ARHGAP35: variants seen among roughly 807,000 people sequenced by gnomAD.
ARHGAP35 encodes the protein Rho GTPase activating protein 35.
Under a neutral mutation model 111.1 loss-of-function variants are expected in ARHGAP35, and 15 were observed. That is an observed-to-expected ratio of 0.13 (90% CI 0.09 to 0.21). The LOEUF is 0.21. Among genes scored for constraint, ARHGAP35 ranks in the 10% least tolerant of loss-of-function variants. The probability of loss-of-function intolerance (pLI) is 1.00; values close to 1 mark genes in which losing one functional copy is unlikely to be tolerated. For synonymous variants in ARHGAP35, 643 were observed against 710.3 expected (o/e 0.91, Z 1.51); for missense variants, 1,262 against 1,873.0 (o/e 0.67, Z 6.02).
At chr19:46,951,987 A>C (rs1394926917) in intron 3 of ARHGAP35, among the ~76,000 whole-genome samples, 1 of 152,236 alleles carries the variant, frequency 6.6e-6, no homozygotes, top group South Asian at 2.1e-4. Context: ...GTTAGAAGGA[A>C]TAAGTTCTAG....
chr19:46,922,161 C>T lies in ARHGAP35; in HGVS notation c.3486C>T (p.Cys1162=). ...AGCCAGTGCTGTACAGGACGAGATG[C>T]ACCCGGCTGGGGCGGTTTGCTAGTT... is the stretch of plus-strand genomic sequence containing the variant. The part of the protein sequence containing the change: ...VSKPVLYRTR[C]TRLGRFASYR... The change falls in exon 2 of 7, where the codon TGC becomes TGT. Residue 1162 remains cysteine, a synonymous_variant. Transcript: ENST00000672722. The surrounding 1 kb of genome is among the most constrained non-coding windows in gnomAD (Gnocchi z 4.0). 6.2e-7 allele frequency: 1 copy of T among 1,613,988 alleles called. No individual in the cohort carries two copies. The highest frequency in any genetic ancestry group is 8.5e-7 in the Non-Finnish European group (1 of 1,179,896).
Position 46,920,482 on chromosome 19 carries a change from T to C in ARHGAP35, c.1807T>C (p.Leu603=). 1 of 1,614,016 alleles carries C rather than the reference T, an allele frequency of 6.2e-7. No homozygotes were observed. The highest frequency in any genetic ancestry group is 1.1e-5 in the South Asian group (1 of 91,080). The part of the protein sequence containing the change: ...PNIDRINLVI[L]GKDGLARELA... ...CATTGATAGAATCAACTTGGTTATA[T>C]TGGGCAAAGACGGCCTTGCCCGAGA... Residue 603 remains leucine, a synonymous_variant, in exon 2 of 7, where the codon TTG becomes CTG. Transcript: ENST00000672722. This position sits in a 1 kb window ranked among gnomAD's most constrained non-coding sequence, Gnocchi z 7.0.
intron 1 of ARHGAP35, among the ~76,000 whole-genome samples, chr19:46,866,162 ATCTTT>A (rs879742235): frequency 1.3e-5 from 2 of 152,168 alleles, no homozygotes; most frequent in Non-Finnish European, 2.9e-5. Context: ...TTTTTAAAAA[ATCTTT>A]TGTTATTCAT....
At chr19:46,998,506 G>A (rs544939484) in intron 5 of ARHGAP35, among the ~76,000 whole-genome samples, 15 of 152,314 alleles carry the variant, frequency 9.8e-5, no homozygotes, top group African/African-American at 3.1e-4. Context: ...ACACCCACTC[G>A]GGGATGGCAA....
intron 3 of ARHGAP35, among the ~76,000 whole-genome samples, chr19:46,969,048 C>G (rs1043381233): frequency 6.6e-6 from 1 of 152,128 alleles, no homozygotes; most frequent in Admixed American, 6.6e-5. Context: ...GGTTGCACCA[C>G]TGCACTCCAG....
rs1351562272 is a variant in ARHGAP35, at chr19:46,908,515, G to T, written c.-188-9973G>T. Among the ~76,000 whole-genome samples the T allele has an allele frequency of 1.3e-5, 2 of 152,124 alleles. No homozygotes were observed. The highest frequency in any genetic ancestry group is 4.8e-5 in the African/African-American group (2 of 41,412). On this transcript the variant is annotated intron_variant, in intron 1 of 6. Coordinates refer to ENST00000672722, the MANE Select transcript of ARHGAP35 (RefSeq NM_004491.5). The surrounding 1 kb of genome is among the most constrained non-coding windows in gnomAD (Gnocchi z 4.2). ...TGTTTTTCTTAATATAGGTAATCCA[G>T]AAATTATGCTAAATCAGTGAGAAAG...
At chr19:46,964,668 G>A (rs141378244) in intron 3 of ARHGAP35, among the ~76,000 whole-genome samples, 1 of 152,312 alleles carries the variant, frequency 6.6e-6, no homozygotes, top group East Asian at 1.9e-4. Context: ...CTCTGAATGT[G>A]GGATAATATT....
chr19:46,898,110 C>T (rs567522942), intron 1 of ARHGAP35, among the ~76,000 whole-genome samples: 7 of 152,084 alleles, frequency 4.6e-5, no homozygotes, highest in African/African-American at 7.2e-5. Context: ...GGCATGGTGG[C>T]GCATGCCTGT....
intron 3 of ARHGAP35, among the ~76,000 whole-genome samples, chr19:46,938,086 A>C (rs2056321008): frequency 6.6e-6 from 1 of 152,182 alleles, no homozygotes; most frequent in African/African-American, 2.4e-5. Context: ...TTCCAGTTTC[A>C]CTAAGGTGGG....
At chr19:46,873,528 C>G (rs1027666865) in intron 1 of ARHGAP35, among the ~76,000 whole-genome samples, 7 of 151,062 alleles carry the variant, frequency 4.6e-5, no homozygotes, top group African/African-American at 1.7e-4. Context: ...AATCCTGCTA[C>G]TTGGGAGGCT....
intron 1 of ARHGAP35, among the ~76,000 whole-genome samples, chr19:46,879,600 A>AAATAAAT (rs1222594432): frequency 1.3e-5 from 2 of 148,614 alleles, no homozygotes; most frequent in Non-Finnish European, 3.0e-5. Context: ...ATAAATAAAT[A>AAATAAAT]AATAAATAAA....
At chr19:46,871,340 T>A (rs537387285) in intron 1 of ARHGAP35, among the ~76,000 whole-genome samples, 1 of 152,244 alleles carries the variant, frequency 6.6e-6, no homozygotes, top group African/African-American at 2.4e-5. Context: ...AGTTTAGCAA[T>A]GTTTTATTTG....
At chr19:46,865,495 G>A (rs2055850509) in intron 1 of ARHGAP35, among the ~76,000 whole-genome samples, 1 of 152,174 alleles carries the variant, frequency 6.6e-6, no homozygotes, top group Admixed American at 6.5e-5. Flanking sequence ...GAAGTTGAAA[G>A]AAGTTGTCGG....
chr19:46,891,430 T>C (rs375477265), intron 1 of ARHGAP35, among the ~76,000 whole-genome samples: 4 of 151,562 alleles, frequency 2.6e-5, no homozygotes, highest in Non-Finnish European at 4.4e-5. Flanking sequence ...AGTTTTTTTT[T>C]TTTGTTTTTT....
rs1490441920 is a variant in ARHGAP35, at chr19:47,003,082, A to C, written c.*2394A>C. 6.6e-6 allele frequency: 1 copy of C among 152,194 alleles called. No homozygotes were observed. The highest frequency in any genetic ancestry group is 1.9e-4 in the East Asian group (1 of 5,196). The allele number at this position is 152,194 out of a possible 1,614,324, so 9.4% of individuals were successfully genotyped here. Reference sequence around the variant, plus strand: ...AGGGTTCCTCTTGTTTCCCCCGCTAACTTCAGCCTCTCATCTGCTGCTCCG... The same window carrying C: ...AGGGTTCCTCTTGTTTCCCCCGCTACCTTCAGCCTCTCATCTGCTGCTCCG... On this transcript the variant is annotated 3_prime_UTR_variant, in exon 7 of 7. Transcript: ENST00000672722.
intron 1 of ARHGAP35, among the ~76,000 whole-genome samples, 92 bp downstream of exon 1, chr19:46,861,301 G>A (rs1218272086): frequency 2.0e-5 from 3 of 150,540 alleles, no homozygotes; most frequent in African/African-American, 7.3e-5. Context: ...GGGGCCCGGA[G>A]CCCGCGAACA....
chr19:46,990,376 C>G lies in ARHGAP35; in HGVS notation c.4036+701C>G, dbSNP rs116110029. Among the ~76,000 whole-genome samples, 773 of 152,362 alleles carry G rather than the reference C, an allele frequency of 5.1e-3. 9 individuals are homozygous for G. The highest frequency in any genetic ancestry group is 0.018 in the African/African-American group (759 of 41,588). On this transcript the variant is annotated intron_variant, in intron 5 of 6. Coordinates refer to ENST00000672722, the MANE Select transcript of ARHGAP35 (RefSeq NM_004491.5). ...AGCCTTCTCACTGGCCAGCCTTTCC[C>G]TGGACTTTGTGTAGTACCACAGAGG...
At chr19:46,884,718 C>T (rs543848765) in intron 1 of ARHGAP35, among the ~76,000 whole-genome samples, 1 of 151,888 alleles carries the variant, frequency 6.6e-6, no homozygotes, top group African/African-American at 2.4e-5. Context: ...AACTCCTGGG[C>T]TCAAGCAATT....
chr19:46,978,785 TG>T (rs2056599372), intron 3 of ARHGAP35, among the ~76,000 whole-genome samples: 2 of 97,792 alleles, frequency 2.0e-5, no homozygotes, highest in Admixed American at 1.3e-4. Flanking sequence ...GGAATGTGTC[TG>T]GTGTGTGTGG....
Sources: gnomAD v4.1 joint callset for allele counts (sites outside exome capture counted in the v4.1 genomes callset) on GRCh38, gnomAD v4.1.1 for gene constraint, Gnocchi (gnomAD v3.1) non-coding constraint, MANE v1.5 for transcripts, NCBI Gene and HGNC (gene_info 2026-07-23, HGNC 2026-07-21) for gene names.